NRXN3: variants seen among roughly 807,000 people sequenced by gnomAD.
NRXN3 encodes neurexin III.
Under a neutral mutation model 137.6 loss-of-function variants are expected in NRXN3, and 32 were observed. The ratio of observed to expected loss-of-function variants is 0.23; its 90% CI spans 0.18 to 0.31. The LOEUF is 0.31. NRXN3 is among the 10% of genes least tolerant of loss of function. NRXN3 has a pLI of 1.00. For synonymous variants in NRXN3, 798 were observed against 784.5 expected (o/e 1.02, Z -0.29); for missense variants, 1,574 against 2,062.5 (o/e 0.76, Z 4.59).
At chr14:79,416,710 G>T (rs1439961716) in intron 15 of NRXN3, among the ~76,000 whole-genome samples, 2 of 152,016 alleles carry the variant, frequency 1.3e-5, no homozygotes, top group Non-Finnish European at 2.9e-5. Flanking sequence ...CTCTCTTTCT[G>T]CAAATAAATC....
intron 20 of NRXN3, among the ~76,000 whole-genome samples, chr14:79,851,394 C>T (rs1321561120): frequency 6.6e-6 from 1 of 152,042 alleles, no homozygotes. Flanking sequence ...AACTTTCCAG[C>T]TGCTCTTTGT....
chr14:79,478,261 A>G (rs1485894575), intron 16 of NRXN3, among the ~76,000 whole-genome samples: 1 of 151,098 alleles, frequency 6.6e-6, no homozygotes, highest in East Asian at 1.9e-4. Context: ...AAGGAAGAGA[A>G]CTAAAAAGGA....
chr14:78,207,706 C>A (rs773484926), intron 1 of NRXN3, among the ~76,000 whole-genome samples: 1 of 152,218 alleles, frequency 6.6e-6, no homozygotes, highest in East Asian at 1.9e-4. Flanking sequence ...TTCCCCACCA[C>A]GTTAGTCATC....
intron 15 of NRXN3, among the ~76,000 whole-genome samples, chr14:79,192,495 A>G (rs2064505699): frequency 6.6e-6 from 1 of 152,198 alleles, no homozygotes; most frequent in Non-Finnish European, 1.5e-5. Context: ...TTTCCAGTAC[A>G]CATATGCAAT....
At chr14:78,338,217 C>T (rs1055034449) in intron 4 of NRXN3, among the ~76,000 whole-genome samples, 3 of 152,162 alleles carry the variant, frequency 2.0e-5, no homozygotes, top group Admixed American at 6.6e-5. Context: ...CACCATCTGA[C>T]ATGGTAGCCA....
At chr14:79,684,176 G>T (rs892448883) in intron 17 of NRXN3, among the ~76,000 whole-genome samples, 14 of 152,104 alleles carry the variant, frequency 9.2e-5, no homozygotes, top group Non-Finnish European at 1.9e-4. Context: ...TACCATGTTT[G>T]GATGCTGTTA....
At chr14:79,309,942 TC>T (rs2086909821) in intron 15 of NRXN3, among the ~76,000 whole-genome samples, 1 of 114,574 alleles carries the variant, frequency 8.7e-6, no homozygotes, top group Non-Finnish European at 1.7e-5. Context: ...TTTAATTAGA[TC>T]CCATTTGTCA....
Position 79,569,636 on chromosome 14 carries a change from A to T in NRXN3, c.3445-94142A>T, listed in dbSNP as rs1230020788. Reference sequence around the variant, plus strand: ...GTGTGTGTGTGTGTGTGTGTGAGAGAGAGAGAGAGAGAGACAGAGAGACAG... The same window carrying T: ...GTGTGTGTGTGTGTGTGTGTGAGAGTGAGAGAGAGAGAGACAGAGAGACAG... On this transcript the variant is annotated intron_variant, in intron 16 of 20. Coordinates refer to ENST00000335750, the MANE Select transcript of NRXN3 (RefSeq NM_001330195.2). Among the ~76,000 whole-genome samples, 160 of 145,934 alleles carry T rather than the reference A, an allele frequency of 1.1e-3. 1 individual carries two copies. The highest frequency in any genetic ancestry group is 3.9e-3 in the African/African-American group (142 of 36,862).
At chr14:78,918,979 G>A (rs867700373) in intron 10 of NRXN3, among the ~76,000 whole-genome samples, 3 of 152,026 alleles carry the variant, frequency 2.0e-5, no homozygotes, top group Admixed American at 6.6e-5. Context: ...TGTAAGCATT[G>A]AGAATATGAA....
chr14:78,732,447 T>C (rs1193829363), intron 8 of NRXN3, among the ~76,000 whole-genome samples: 1 of 152,202 alleles, frequency 6.6e-6, no homozygotes, highest in Admixed American at 6.5e-5. Context: ...ACTAGTTTTT[T>C]ATCCTTTCTG....
chr14:79,861,215 C>T lies in NRXN3; in HGVS notation c.4094-127C>T. 2 of 1,534,010 alleles carry T rather than the reference C, an allele frequency of 1.3e-6. No homozygotes were observed. The highest frequency in any genetic ancestry group is 1.7e-6 in the Non-Finnish European group (2 of 1,145,842). On this transcript the variant is annotated intron_variant, in intron 20 of 20. Coordinates refer to ENST00000335750, the MANE Select transcript of NRXN3 (RefSeq NM_001330195.2). The surrounding 1 kb of genome is among the most constrained non-coding windows in gnomAD (Gnocchi z 5.4). ...GGCGGGGTTACCTTGCTTGTCGGAC[C>T]AAGGCAGCGATGGTTGTGATGATGA...
At chr14:79,095,046 G>T (rs1405317781) in intron 15 of NRXN3, among the ~76,000 whole-genome samples, 6 of 148,948 alleles carry the variant, frequency 4.0e-5, no homozygotes, top group African/African-American at 1.5e-4. Context: ...AAAATGGACA[G>T]GTCATTTTGT....
chr14:78,870,145 T>G (rs541725535), intron 10 of NRXN3, among the ~76,000 whole-genome samples: 3 of 152,194 alleles, frequency 2.0e-5, no homozygotes, highest in Non-Finnish European at 2.9e-5. Context: ...TAAACTGACT[T>G]AGCACACTTC....
intron 16 of NRXN3, among the ~76,000 whole-genome samples, chr14:79,489,822 G>A (rs536903851): frequency 1.5e-4 from 23 of 151,918 alleles, no homozygotes; most frequent in African/African-American, 4.8e-4. Context: ...GGCGGATCAC[G>A]AGCTCAGGAG....
At chr14:78,760,072 G>A (rs949729514) in intron 8 of NRXN3, among the ~76,000 whole-genome samples, 7 of 115,432 alleles carry the variant, frequency 6.1e-5, no homozygotes, top group African/African-American at 2.7e-4. Context: ...ACGGAGTTTC[G>A]CTCTTGTTGC....
At chr14:79,733,899 C>T (rs913265171) in intron 19 of NRXN3, among the ~76,000 whole-genome samples, 2 of 152,126 alleles carry the variant, frequency 1.3e-5, no homozygotes, top group Non-Finnish European at 2.9e-5. Context: ...CCTGCTTGCT[C>T]TGATAATGGC....
chr14:79,251,121 T>A (rs994346385), intron 15 of NRXN3, among the ~76,000 whole-genome samples: 2 of 152,152 alleles, frequency 1.3e-5, no homozygotes, highest in African/African-American at 4.8e-5. Flanking sequence ...GAGTTAGAAC[T>A]TTCCATAGGT....
chr14:78,643,569 A>G (rs1455727713), intron 4 of NRXN3, among the ~76,000 whole-genome samples: 1 of 152,194 alleles, frequency 6.6e-6, no homozygotes, highest in Non-Finnish European at 1.5e-5. Flanking sequence ...ATATACCTTT[A>G]AAACTAGTTG....
intron 18 of NRXN3, among the ~76,000 whole-genome samples, chr14:79,694,760 G>A (rs1233933628): frequency 1.3e-5 from 2 of 151,820 alleles, no homozygotes; most frequent in African/African-American, 4.8e-5. Context: ...TCAGAGTAAG[G>A]GATGGCAGGA....
Sources: allele counts gnomAD v4.1 joint callset (sites outside exome capture counted in the v4.1 genomes callset), GRCh38; gene constraint gnomAD v4.1.1; non-coding constraint Gnocchi (gnomAD v3.1); transcripts MANE v1.5; gene names NCBI Gene and HGNC (gene_info 2026-07-23, HGNC 2026-07-21).